The following DNMT3B variants were observed in gnomAD, a reference collection of about 807,000 sequenced individuals.
The protein encoded by DNMT3B is DNA (cytosine-5)-methyltransferase 3B.
A neutral mutation model predicts 120.2 loss-of-function variants in DNMT3B; 37 were observed. That is an observed-to-expected ratio of 0.31 (90% CI 0.24 to 0.40). The LOEUF is 0.40. DNMT3B is among the 10% of genes least tolerant of loss of function. The pLI, the probability that DNMT3B is intolerant of heterozygous loss-of-function variation, is 1.00. For synonymous variants in DNMT3B, 412 were observed against 442.8 expected (o/e 0.93, Z 0.87); for missense variants, 878 against 1,137.3 (o/e 0.77, Z 3.28).
chr20:32,800,057 G>A, intron 16 of DNMT3B, 96 bp from the exon 17 acceptor site: 3 of 1,545,128 alleles, frequency 1.9e-6, no homozygotes, highest in Non-Finnish European at 1.8e-6. Context: ...ATACAGTCAT[G>A]AGGAACTGTT....
chr20:32,771,498 G>A (rs571105016), intron 1 of DNMT3B, among the ~76,000 whole-genome samples: 30 of 152,078 alleles, frequency 2.0e-4, no homozygotes, highest in African/African-American at 6.5e-4. Flanking sequence ...AAAATTAGCC[G>A]GGCGTGGTGG....
At chr20:32,772,333 A>G (rs897134171) in intron 1 of DNMT3B, among the ~76,000 whole-genome samples, 2 of 152,254 alleles carry the variant, frequency 1.3e-5, no homozygotes, top group African/African-American at 4.8e-5. Flanking sequence ...TTTAGGCTTA[A>G]GATGACTAAA....
chr20:32,784,494 T>C (rs1259283639), intron 3 of DNMT3B, among the ~76,000 whole-genome samples: 1 of 152,208 alleles, frequency 6.6e-6, no homozygotes, highest in East Asian at 1.9e-4. Flanking sequence ...TCAGCTTTTG[T>C]GTTTGGCTTA....
chr20:32,800,723 G>A (rs1420198058), intron 17 of DNMT3B, 112 bp from the exon 18 acceptor site: 3 of 1,218,504 alleles, frequency 2.5e-6, no homozygotes, highest in Non-Finnish European at 3.6e-6. Context: ...CAGCCTTCCT[G>A]GGATTACAGG....
chr20:32,808,939 A>C lies in DNMT3B; in HGVS notation c.*1036A>C. The C allele has an allele frequency of 4.6e-6, 1 of 219,350 alleles. No individual in the cohort carries two copies. The highest frequency in any genetic ancestry group is 9.1e-6 in the Non-Finnish European group (1 of 109,300). 13.6% of individuals were successfully genotyped at this position (219,350 alleles called of 1,614,324 possible). On this transcript the variant is annotated 3_prime_UTR_variant, in exon 23 of 23. Coordinates refer to ENST00000328111, the MANE Select transcript of DNMT3B (RefSeq NM_006892.4). ...CATACATTTCTCATACCTTCCCCAC[A>C]TCTGAGAGATGACAGGGAAAACTGC...
At chr20:32,764,229 A>G (rs1417260182) in intron 1 of DNMT3B, among the ~76,000 whole-genome samples, 1 of 152,206 alleles carries the variant, frequency 6.6e-6, no homozygotes, top group East Asian at 1.9e-4. Context: ...TCTGTGAATT[A>G]GCAATAGTCC....
At chr20:32,770,644 C>T (rs1257560061) in intron 1 of DNMT3B, among the ~76,000 whole-genome samples, 4 of 141,550 alleles carry the variant, frequency 2.8e-5, no homozygotes, top group South Asian at 2.2e-4. Flanking sequence ...GACAGAGTTT[C>T]GCTCTTTGCC....
At chr20:32,771,382 T>G (rs1987725181) in intron 1 of DNMT3B, among the ~76,000 whole-genome samples, 1 of 152,136 alleles carries the variant, frequency 6.6e-6, no homozygotes, top group South Asian at 2.1e-4. Flanking sequence ...GGCTCACACC[T>G]GTAATCCCAG....
At chr20:32,805,802 C>G (rs561111791) in intron 21 of DNMT3B, among the ~76,000 whole-genome samples, 16 of 151,936 alleles carry the variant, frequency 1.1e-4, no homozygotes, top group Non-Finnish European at 2.2e-4. Context: ...ATTTTCTAAA[C>G]TCCAATTGAG....
At chr20:32,769,999 A>G (rs757596642) in intron 1 of DNMT3B, among the ~76,000 whole-genome samples, 11 of 152,156 alleles carry the variant, frequency 7.2e-5, no homozygotes, top group Non-Finnish European at 1.2e-4. Context: ...TCAGTACTAC[A>G]ATCACAGCTC....
At position 32,762,516 on chromosome 20, in the gene DNMT3B, A is replaced by G. The variant is rs747423639; in HGVS notation, c.-190A>G. On this transcript the variant is annotated 5_prime_UTR_variant, in exon 1 of 23. Transcript: ENST00000328111. ...GGACCGGCTCCCTGGCGGTCGGGCG[A>G]GCGGGCGGCAACGCTGCCCGGCCGG... 1.3e-5 allele frequency: 4 copies of G among 301,226 alleles called. No homozygotes were observed. The highest frequency in any genetic ancestry group is 5.2e-5 in the South Asian group (2 of 38,664). 18.7% of individuals were successfully genotyped at this position (301,226 alleles called of 1,614,324 possible).
chr20:32,795,984 C>T (rs1312322563), intron 12 of DNMT3B, among the ~76,000 whole-genome samples: 2 of 152,226 alleles, frequency 1.3e-5, no homozygotes, highest in Non-Finnish European at 2.9e-5. Context: ...GTATCATGAA[C>T]CTTCCCAAAG....
intron 19 of DNMT3B, 98 bp downstream of exon 19, chr20:32,801,524 C>A: frequency 6.6e-7 from 1 of 1,507,878 alleles, no homozygotes; most frequent in Non-Finnish European, 9.1e-7. Flanking sequence ...TTGGGAATGA[C>A]TTTCCCGTTC....
intron 1 of DNMT3B, among the ~76,000 whole-genome samples, chr20:32,773,125 T>G (rs1046726532): frequency 1.3e-5 from 2 of 151,566 alleles, no homozygotes; most frequent in Non-Finnish European, 2.9e-5. Context: ...GGCTTTTTTT[T>G]TTTTTGAGAG....
At chr20:32,789,053 C>T in intron 7 of DNMT3B, 41 bp downstream of exon 7, 1 of 1,608,068 alleles carries the variant, frequency 6.2e-7, no homozygotes, top group South Asian at 1.1e-5. Flanking sequence ...AGGCCTGAGG[C>T]TGTGCCTGCC....
intron 1 of DNMT3B, among the ~76,000 whole-genome samples, chr20:32,776,451 TGA>T (rs1988076222): frequency 6.6e-6 from 1 of 152,116 alleles, no homozygotes; most frequent in Non-Finnish European, 1.5e-5. Flanking sequence ...ATGAAGTCAG[TGA>T]GATACATAGA....
At chr20:32,779,425 C>G (rs1568828909) in intron 1 of DNMT3B, among the ~76,000 whole-genome samples, 1 of 152,192 alleles carries the variant, frequency 6.6e-6, no homozygotes, top group Non-Finnish European at 1.5e-5. Context: ...GGGGGAGATA[C>G]AGGTTGTTGC....
intron 22 of DNMT3B, 104 bp from the exon 23 acceptor site, chr20:32,807,658 A>T: frequency 6.5e-7 from 1 of 1,547,298 alleles, no homozygotes; most frequent in South Asian, 1.1e-5. Context: ...TACTGATGGG[A>T]CTGAGGGATG....
chr20:32,805,508 C>T (rs781623717), intron 21 of DNMT3B, 101 bp downstream of exon 21: 1 of 1,372,802 alleles, frequency 7.3e-7, no homozygotes, highest in East Asian at 2.3e-5. Context: ...CTCCTCCCCC[C>T]ACGTGACTTC....
Sources: allele counts gnomAD v4.1 joint callset (sites outside exome capture counted in the v4.1 genomes callset), GRCh38; gene constraint gnomAD v4.1.1; transcripts MANE v1.5; gene names NCBI Gene and HGNC (gene_info 2026-07-23, HGNC 2026-07-21).